Variants in CPZ observed in about 807,000 individuals in gnomAD.
The protein encoded by CPZ is carboxypeptidase Z.
In CPZ, 103 loss-of-function variants were observed where a neutral mutation model predicts 61.8. The ratio of observed to expected loss-of-function variants is 1.67; its 90% CI spans 1.42 to 1.96. The LOEUF is 1.96. Among genes scored for constraint, CPZ ranks in the 30% most tolerant of loss-of-function variants. The pLI is 0.00. For missense variants in CPZ, 1,461 were observed against 914.9 expected (o/e 1.60, Z -7.70); for synonymous variants, 551 against 373.7 (o/e 1.47, Z -5.47).
At chr4:8,596,148 T>A (rs1470126652) in intron 1 of CPZ, among the ~76,000 whole-genome samples, 1 of 151,992 alleles carries the variant, frequency 6.6e-6, no homozygotes, top group Non-Finnish European at 1.5e-5. Context: ...ACCTCCCAGG[T>A]TCAAGTGATT....
intron 1 of CPZ, among the ~76,000 whole-genome samples, chr4:8,593,606 C>T (rs1307124491): frequency 1.3e-5 from 2 of 152,168 alleles, no homozygotes; most frequent in Admixed American, 6.5e-5. Context: ...TCTAGCCAAC[C>T]GTGCTCAGGA....
intron 7 of CPZ, chr4:8,611,383 G>C (rs573468330): frequency 2.3e-6 from 1 of 431,038 alleles, no homozygotes; most frequent in Non-Finnish European, 4.8e-6. Context: ...GAAGCCTGTG[G>C]GGAGGGACCC....
At chr4:8,609,127 T>TACATTCACCCATTCAC (rs1715348301) in intron 7 of CPZ, among the ~76,000 whole-genome samples, 1 of 139,362 alleles carries the variant, frequency 7.2e-6, no homozygotes, top group African/African-American at 2.8e-5. Flanking sequence ...CCCTCACTCA[T>TACATTCACCCATTCAC]TCACTCATTT....
rs574401805 is a variant in CPZ, at chr4:8,608,855, C to T, written c.1227+1430C>T. 2.6e-5 allele frequency among the ~76,000 whole-genome samples: 4 copies of T among 152,290 alleles called. No homozygotes were observed. The South Asian group carries it at 8.3e-4, about 32-fold the overall frequency. The stretch of plus-strand genomic sequence containing the variant: ...AAGGGGAGCCCCAGGGAGCCGGGTG[C>T]AGGGGCCCATGCCGAGTGCTGTGGC... On this transcript the variant is annotated intron_variant, in intron 7 of 10. Transcript: ENST00000360986.
intron 2 of CPZ, chr4:8,599,736 C>T (rs1012380803): frequency 1.2e-6 from 1 of 809,382 alleles, no homozygotes; most frequent in Admixed American, 3.3e-5. Context: ...GAGATGTCCT[C>T]TCCATCCCTC....
In CPZ at chr4:8,601,919, G is replaced by GT. The variant is rs1553876275; in HGVS notation, c.496+422_496+423insT. On this transcript the variant is annotated intron_variant, in intron 3 of 10. Coordinates refer to ENST00000360986, the MANE Select transcript of CPZ (RefSeq NM_001014447.3). ...AACCATAGTGCTTACCCCTGGTCAA[G>GT]GGGGGGCGGGGCATTTACATCCCCC... is the stretch of plus-strand genomic sequence containing the variant. 12 of 32,948 alleles carry GT rather than the reference G, an allele frequency of 3.6e-4. No homozygotes were observed. The South Asian group carries it at 0.011, about 29-fold the overall frequency. The allele number at this position is 32,948 out of a possible 1,614,324, so 2.0% of individuals were successfully genotyped here.
intron 9 of CPZ, chr4:8,618,158 A>G: frequency 2.1e-6 from 1 of 468,504 alleles, no homozygotes; most frequent in South Asian, 2.2e-5. Context: ...ATGCCCATAG[A>G]GATGGAGTCA....
rs374394263 is a variant in CPZ, at chr4:8,603,962, C to T, written c.497-14C>T. On this transcript the variant is annotated splice_polypyrimidine_tract_variant and intron_variant, in intron 3 of 10. Coordinates refer to ENST00000360986, the MANE Select transcript of CPZ (RefSeq NM_001014447.3). ...GGGCCTGACACTGACTGAGCCCCCC[C>T]ACTGCTCCCCCAGGAGGCCTGGAGG... The T allele has an allele frequency of 3.7e-5, 60 of 1,610,414 alleles. No homozygotes were observed. The South Asian group carries it at 4.9e-4, about 13-fold the overall frequency.
intron 2 of CPZ, chr4:8,599,948 C>T (rs139599737): frequency 1.5e-3 from 267 of 179,354 alleles, no homozygotes; most frequent in Non-Finnish European, 2.7e-3. Context: ...TGGGAGCCAA[C>T]CAATGTGAAG....
At chr4:8,616,944 T>G (rs1022912135) in intron 9 of CPZ, among the ~76,000 whole-genome samples, 16 of 152,168 alleles carry the variant, frequency 1.1e-4, no homozygotes, top group African/African-American at 3.9e-4. Context: ...TGGGACCCCT[T>G]GATGTGCTCA....
chr4:8,616,454 G>T (rs547474004), intron 9 of CPZ, among the ~76,000 whole-genome samples: 8 of 152,144 alleles, frequency 5.3e-5, no homozygotes, highest in African/African-American at 1.9e-4. Flanking sequence ...CCCTGCTCTC[G>T]GGTGGGGCTA....
chr4:8,615,096 G>T (rs940639858), intron 9 of CPZ, among the ~76,000 whole-genome samples: 1 of 152,042 alleles, frequency 6.6e-6, no homozygotes, highest in African/African-American at 2.4e-5. Context: ...TCAGAGTGAA[G>T]GGTATAGGCA....
chr4:8,618,953 ATGTGTTACCTGG>A (rs1424525864), intron 10 of CPZ, among the ~76,000 whole-genome samples: 1 of 142,366 alleles, frequency 7.0e-6, no homozygotes, highest in Non-Finnish European at 1.5e-5. Context: ...ATGCTGTGAT[ATGTGTTACCTGG>A]CAGAGATGTG....
In CPZ at chr4:8,618,321, T is replaced by G. The variant is rs541320337; in HGVS notation, c.1504-108T>G. On this transcript the variant is annotated intron_variant, in intron 9 of 10. Coordinates refer to ENST00000360986, the MANE Select transcript of CPZ (RefSeq NM_001014447.3). ...GCAGAGTGGGGCTCTGTGGGGTAGT[T>G]CCCCCTAGATACCAAGCTCTGAGGA... 6.8e-6 allele frequency: 7 copies of G among 1,026,696 alleles called. No individual in the cohort carries two copies. In the East Asian group the frequency reaches 1.7e-4, roughly 25 times the overall value. The allele number at this position is 1,026,696 out of a possible 1,614,324, so 63.6% of individuals were successfully genotyped here. A position where few individuals can be genotyped will look rare whatever the true frequency, so the allele number is the denominator to read the frequency against.
At position 8,604,043 on chromosome 4, in the gene CPZ, C is replaced by T. The variant is rs752620603; in HGVS notation, c.564C>T (p.His188=). Residue 188 remains histidine (H), a synonymous_variant, in exon 4 of 11, where the codon CAC becomes CAT. Transcript: ENST00000360986. ...CCACCTTCATCCGCTTCAGCCACCA[C>T]TCCTACGCCCAGATGGTGCGTGTGC... ...LPPTFIRFSH[H]SYAQMVRVLR... is the part of the protein sequence containing the mutation. The T allele has an allele frequency of 1.2e-6, 2 of 1,612,148 alleles. No individual in the cohort carries two copies. Among genetic ancestry groups the T allele is most frequent in the Non-Finnish European group, 1.7e-6 (2 of 1,179,812 alleles).
chr4:8,599,818 G>C (rs1714442665), intron 2 of CPZ: 1 of 337,000 alleles, frequency 3.0e-6, no homozygotes, highest in Non-Finnish European at 5.3e-6. Flanking sequence ...CACTGGCTCT[G>C]TGCCGGGCCC....
rs1560294949 is a variant in CPZ at position 8,606,152 on chromosome 4, G to C, written c.873G>C (p.Met291Ile). Residue 291 changes from methionine to isoleucine, a missense_variant, in exon 5 of 11, where the codon ATG becomes ATC. Physicochemically the swap from Met to Ile is conservative, Grantham distance 10. Coordinates refer to ENST00000360986, the MANE Select transcript of CPZ (RefSeq NM_001014447.3). ...CCCGCATCCACCTGCTGCCCTCCAT[G>C]AACCCTGACGGCTATGAGGTGGCAG... ...NTTRIHLLPS[M>I]NPDGYEVAAA... is the part of the protein sequence containing the mutation. 6.2e-7 allele frequency: 1 copy of C among 1,614,114 alleles called. No individual in the cohort carries two copies. Among genetic ancestry groups the C allele is most frequent in the South Asian group, 1.1e-5 (1 of 91,078 alleles).
At position 8,619,497 on chromosome 4, in the gene CPZ, C is replaced by A. The variant is rs904436100; in HGVS notation, c.1839C>A (p.Ala613=). 9 of 1,606,446 alleles carry A rather than the reference C, an allele frequency of 5.6e-6. No homozygotes were observed. Among genetic ancestry groups the A allele is most frequent in the Admixed American group, 5.0e-5 (3 of 59,484 alleles). The part of the protein sequence containing the change: ...PLGGASSLGE[A]TEPDPLRARR... ...GAGGTGCCAGCTCTTTGGGGGAGGC[C>A]ACGGAGCCCGACCCGCTCCGGGCGC... Residue 613 remains alanine (A), a synonymous_variant, in exon 11 of 11, where the codon GCC becomes GCA. Coordinates refer to ENST00000360986, the MANE Select transcript of CPZ (RefSeq NM_001014447.3).
intron 7 of CPZ, among the ~76,000 whole-genome samples, chr4:8,609,043 A>ACTCCCTCC (rs1169942442): frequency 4.2e-5 from 6 of 141,716 alleles, no homozygotes; most frequent in African/African-American, 8.3e-5. Context: ...TCACCCATTC[A>ACTCCCTCC]CTCCCTCCCT....
Sources: allele counts gnomAD v4.1 joint callset (sites outside exome capture counted in the v4.1 genomes callset), GRCh38; gene constraint gnomAD v4.1.1; transcripts MANE v1.5; gene names NCBI Gene and HGNC (gene_info 2026-07-23, HGNC 2026-07-21).